The following POFUT3 variants were observed in gnomAD, a reference collection of about 807,000 sequenced individuals.
POFUT3 encodes the protein protein O-fucosyltransferase 3, also known as GDP-fucose protein O-fucosyltransferase 3.
At chr8:33,311,897 A>T in the POFUT3 span, among the ~76,000 whole-genome samples, 1 of 152,184 alleles carries the variant, frequency 6.6e-6, no homozygotes, top group Non-Finnish European at 1.5e-5. Context: ...TAGAATCTTC[A>T]TAAATATAAT....
At chr8:33,454,047 A>G in the POFUT3 span, among the ~76,000 whole-genome samples, 1 of 152,216 alleles carries the variant, frequency 6.6e-6, no homozygotes, top group Non-Finnish European at 1.5e-5. Flanking sequence ...GGATTGCTTG[A>G]GCCCAGAAGT....
chr8:33,396,296 C>T, the POFUT3 span, among the ~76,000 whole-genome samples: 1 of 152,160 alleles, frequency 6.6e-6, no homozygotes, highest in East Asian at 1.9e-4. Flanking sequence ...GTATTTTGCT[C>T]CACCAGCCCT....
the POFUT3 span, among the ~76,000 whole-genome samples, chr8:33,334,241 A>G: frequency 6.6e-6 from 1 of 151,806 alleles, no homozygotes; most frequent in Non-Finnish European, 1.5e-5. Context: ...TTTTTAAGAC[A>G]GAGTCTCACT....
chr8:33,365,270 G>A, the POFUT3 span, among the ~76,000 whole-genome samples: 68 of 152,130 alleles, frequency 4.5e-4, no homozygotes, highest in African/African-American at 9.6e-4. Flanking sequence ...AAGATGGATT[G>A]AAGACTTAAA....
the POFUT3 span, among the ~76,000 whole-genome samples, chr8:33,379,180 G>A: frequency 5.3e-5 from 8 of 151,672 alleles, no homozygotes; most frequent in African/African-American, 1.2e-4. Flanking sequence ...GACCTCCCTC[G>A]CCATGCAGAA....
chr8:33,336,042 T>C, the POFUT3 span, among the ~76,000 whole-genome samples: 77 of 152,342 alleles, frequency 5.1e-4, 1 homozygote, highest in East Asian at 5.2e-3. Flanking sequence ...AAAGGTCAAC[T>C]GTCGTGTTGA....
the POFUT3 span, among the ~76,000 whole-genome samples, chr8:33,344,743 TCTAAGGTGA>T: frequency 6.6e-6 from 1 of 152,168 alleles, no homozygotes; most frequent in African/African-American, 2.4e-5. Flanking sequence ...CCAGCTAAAA[TCTAAGGTGA>T]CTAAAGACAC....
the POFUT3 span, chr8:33,436,634 A>G: frequency 1.1e-6 from 1 of 874,904 alleles, no homozygotes; most frequent in Admixed American, 1.7e-5. Flanking sequence ...CCATACTGCT[A>G]GAAGAGTGAG....
At chr8:33,332,495 A>T in the POFUT3 span, among the ~76,000 whole-genome samples, 1 of 151,462 alleles carries the variant, frequency 6.6e-6, no homozygotes, top group African/African-American at 2.4e-5. Flanking sequence ...AAAGAAAAAA[A>T]AAAAAAGAAG....
At chr8:33,319,802 T>G in the POFUT3 span, among the ~76,000 whole-genome samples, 1 of 133,418 alleles carries the variant, frequency 7.5e-6, no homozygotes, top group Non-Finnish European at 1.5e-5. Flanking sequence ...ATGTACCTGA[T>G]GCTGACACTG....
the POFUT3 span, among the ~76,000 whole-genome samples, chr8:33,451,271 G>A: frequency 2.6e-5 from 4 of 151,940 alleles, no homozygotes; most frequent in South Asian, 2.1e-4. Context: ...TGAACATCAC[G>A]TTGGTGCTCA....
chr8:33,434,161 T>C, the POFUT3 span, among the ~76,000 whole-genome samples: 1 of 151,870 alleles, frequency 6.6e-6, no homozygotes, highest in Non-Finnish European at 1.5e-5. Flanking sequence ...CTCGGGAGGC[T>C]GAGGCAGGAG....
At chr8:33,308,988 G>T in the POFUT3 span, among the ~76,000 whole-genome samples, 1 of 148,540 alleles carries the variant, frequency 6.7e-6, no homozygotes, top group African/African-American at 2.5e-5. Flanking sequence ...TCCATAGTCT[G>T]GTGGGTGTAG....
At chr8:33,453,537 T>C in the POFUT3 span, 2 of 1,538,620 alleles carry the variant, frequency 1.3e-6, no homozygotes, top group Admixed American at 2.0e-5. Flanking sequence ...TTATTATCAG[T>C]GTCAAACTGT....
At chr8:33,360,240 C>T in the POFUT3 span, among the ~76,000 whole-genome samples, 5 of 151,758 alleles carry the variant, frequency 3.3e-5, no homozygotes, top group East Asian at 1.9e-4. Flanking sequence ...GTCAGGAGAT[C>T]GAGACCATTC....
chr8:33,468,718 T>C, the POFUT3 span, among the ~76,000 whole-genome samples: 1 of 152,228 alleles, frequency 6.6e-6, no homozygotes, highest in Non-Finnish European at 1.5e-5. Context: ...ACAACTGGTG[T>C]TCTTCCCAGT....
the POFUT3 span, among the ~76,000 whole-genome samples, chr8:33,386,603 G>A: frequency 6.6e-6 from 1 of 152,190 alleles, no homozygotes; most frequent in Non-Finnish European, 1.5e-5. Context: ...GAGGTTGGGA[G>A]ATCAAAACCA....
the POFUT3 span, among the ~76,000 whole-genome samples, chr8:33,406,434 T>C: frequency 6.6e-6 from 1 of 152,096 alleles, no homozygotes; most frequent in Non-Finnish European, 1.5e-5. Flanking sequence ...TACCATTTAC[T>C]AGTATACTTC....
chr8:33,326,772 T>TC, the POFUT3 span, among the ~76,000 whole-genome samples: 1 of 142,362 alleles, frequency 7.0e-6, no homozygotes, highest in Admixed American at 6.8e-5. Flanking sequence ...CTCCTACGTT[T>TC]CCTTTTCGTT....
Sources: allele counts gnomAD v4.1 joint callset (sites outside exome capture counted in the v4.1 genomes callset), GRCh38; gene constraint gnomAD v4.1.1; transcripts MANE v1.5; gene names NCBI Gene and HGNC (gene_info 2026-07-23, HGNC 2026-07-21).